PCDHAC1: variants seen among roughly 807,000 people sequenced by gnomAD.
PCDHAC1 encodes the protein protocadherin alpha subfamily C, 1.
PCDHAC1 carries 42 observed loss-of-function variants against 60.0 expected under a neutral mutation model. That is an observed-to-expected ratio of 0.70 (90% CI 0.55 to 0.90). PCDHAC1 has a LOEUF of 0.90. PCDHAC1 is among the 40% of genes least tolerant of loss of function. The probability of loss-of-function intolerance (pLI) is 0.00; values close to 1 mark genes in which losing one functional copy is unlikely to be tolerated. For missense variants in PCDHAC1, 1,160 were observed against 1,222.3 expected, an observed-to-expected ratio of 0.95 and a Z score of 0.76; for synonymous variants, 468 against 499.3, an observed-to-expected ratio of 0.94 and a Z score of 0.84.
intron 1 of PCDHAC1, among the ~76,000 whole-genome samples, chr5:140,977,613 G>T (rs1554238687): frequency 2.0e-5 from 3 of 152,150 alleles, no homozygotes; most frequent in African/African-American, 7.2e-5. Flanking sequence ...TTGAGGTAAA[G>T]TATCCCAGAG....
At chr5:140,943,380 T>A (rs2093488086) in intron 1 of PCDHAC1, among the ~76,000 whole-genome samples, 3 of 151,328 alleles carry the variant, frequency 2.0e-5, no homozygotes, top group Admixed American at 2.0e-4. Context: ...AATATACAGG[T>A]AAGAAATTAT....
chr5:140,946,353 A>C (rs2093933429), intron 1 of PCDHAC1, among the ~76,000 whole-genome samples: 1 of 151,910 alleles, frequency 6.6e-6, no homozygotes, highest in Admixed American at 6.6e-5. Context: ...GAGGATGTGG[A>C]GAAAAGGGAA....
Position 140,928,876 on chromosome 5 carries a change from C to T in PCDHAC1, c.1984C>T (p.Gln662Ter), listed in dbSNP as rs1554206456. 6.2e-7 allele frequency: 1 copy of T among 1,614,194 alleles called. No homozygotes were observed. Among genetic ancestry groups the T allele is most frequent in the Non-Finnish European group, 8.5e-7 (1 of 1,180,046 alleles). The change falls in exon 1 of 4, where the codon CAG becomes TAG. Residue 662 changes from glutamine (Q) to a stop codon, truncating the protein, a stop_gained. Transcript: ENST00000253807. LOFTEE classifies it high-confidence loss of function. Reference sequence around the variant, plus strand: ...TGTGCTGTTGAGCAACTCTGTCCCTCAGTTACTTCCAGACTTTGAAGATGT... The same window carrying T: ...TGTGCTGTTGAGCAACTCTGTCCCTTAGTTACTTCCAGACTTTGAAGATGT... ...LGVLLSNSVP[Q>*]LLPDFEDVWE...
chr5:140,933,545 A>G (rs1424166462), intron 1 of PCDHAC1, among the ~76,000 whole-genome samples: 1 of 152,114 alleles, frequency 6.6e-6, no homozygotes, highest in Non-Finnish European at 1.5e-5. Flanking sequence ...TAATGTTAAT[A>G]TAAAATAAAA....
chr5:140,968,506 G>T (rs781902536), intron 1 of PCDHAC1: 2 of 1,614,176 alleles, frequency 1.2e-6, no homozygotes, highest in South Asian at 2.2e-5. Context: ...CTCACATTCT[G>T]TACCCTACCT....
At chr5:140,975,634 A>G (rs1457671890) in intron 1 of PCDHAC1, among the ~76,000 whole-genome samples, 4 of 152,244 alleles carry the variant, frequency 2.6e-5, no homozygotes, top group African/African-American at 9.6e-5. Context: ...TGGTACGAAG[A>G]TAGCATATTA....
At chr5:140,960,836 AG>A (rs551951864) in intron 1 of PCDHAC1, among the ~76,000 whole-genome samples, 345 of 152,342 alleles carry the variant, frequency 2.3e-3, no homozygotes, top group African/African-American at 7.6e-3. Flanking sequence ...AACTTGGAAC[AG>A]GTTTAATGGC....
At chr5:140,982,665 A>T in intron 3 of PCDHAC1, 102 bp downstream of exon 3, 1 of 1,465,322 alleles carries the variant, frequency 6.8e-7, no homozygotes, top group Non-Finnish European at 9.0e-7. Context: ...TTTCTTTTAT[A>T]TTTTTGTTAT....
chr5:140,997,131 C>T (rs577407385), intron 3 of PCDHAC1, among the ~76,000 whole-genome samples: 26 of 152,126 alleles, frequency 1.7e-4, no homozygotes, highest in African/African-American at 6.0e-4. Flanking sequence ...ACACAATGCC[C>T]CCACACCCCC....
intron 1 of PCDHAC1, among the ~76,000 whole-genome samples, chr5:140,952,530 A>T (rs246033): frequency 6.6e-6 from 1 of 151,882 alleles, no homozygotes; most frequent in Non-Finnish European, 1.5e-5. Context: ...ACCTCCTCAG[A>T]CTGGACTTCT....
In PCDHAC1 at chr5:140,937,572, G is replaced by C. The variant is rs113857647; in HGVS notation, c.2433+8247G>C. On this transcript the variant is annotated intron_variant, in intron 1 of 3. Transcript: ENST00000253807. ...GCAGAGGTTGCAGTGAGCTGGGATC[G>C]CGTCACTGCACTCTAGCCTGGGCAA... Among the ~76,000 whole-genome samples, 273 of 151,500 alleles carry C rather than the reference G, an allele frequency of 1.8e-3. 1 individual carries two copies. Among genetic ancestry groups the C allele is most frequent in the African/African-American group, 6.4e-3 (263 of 41,048 alleles).
chr5:140,935,389 C>T (rs559765340), intron 1 of PCDHAC1, among the ~76,000 whole-genome samples: 20 of 152,288 alleles, frequency 1.3e-4, no homozygotes, highest in African/African-American at 4.8e-4. Flanking sequence ...CATTTGTTAT[C>T]CCACGGGACT....
intron 1 of PCDHAC1, chr5:140,966,517 A>T (rs1285058359): frequency 4.6e-6 from 2 of 435,352 alleles, no homozygotes; most frequent in Non-Finnish European, 8.0e-6. Context: ...CAGCAGCAGG[A>T]AGCCGAGCCG....
chr5:140,970,270 T>C (rs2096394574), intron 1 of PCDHAC1, among the ~76,000 whole-genome samples: 1 of 152,234 alleles, frequency 6.6e-6, no homozygotes, highest in Non-Finnish European at 1.5e-5. Context: ...TTTGATGAGA[T>C]GTAAAGTAGC....
At chr5:140,966,185 GA>G (rs1378285647) in intron 1 of PCDHAC1, 4 of 197,798 alleles carry the variant, frequency 2.0e-5, no homozygotes, top group Non-Finnish European at 4.0e-5. Context: ...CTGATAGCCA[GA>G]CTTCTAGGGG....
chr5:140,965,700 C>CT (rs1554227802), intron 1 of PCDHAC1, among the ~76,000 whole-genome samples: 1 of 152,162 alleles, frequency 6.6e-6, no homozygotes, highest in East Asian at 1.9e-4. Flanking sequence ...TTAGAAAAAG[C>CT]TTGAGAGAAG....
intron 3 of PCDHAC1, among the ~76,000 whole-genome samples, chr5:141,000,381 CTCTCTCTCTCTCTCTATA>C (rs1371464108): frequency 4.9e-5 from 3 of 61,382 alleles, no homozygotes; most frequent in South Asian, 5.3e-4. Flanking sequence ...CTCTCTCTCT[CTCTCTCTCTCTCTCTATA>C]TATATATATA....
chr5:140,949,630 T>C (rs549897729), intron 1 of PCDHAC1, among the ~76,000 whole-genome samples: 2 of 152,016 alleles, frequency 1.3e-5, no homozygotes, highest in South Asian at 4.1e-4. Flanking sequence ...TTTCATGGCA[T>C]ATTGCTTTTT....
intron 3 of PCDHAC1, among the ~76,000 whole-genome samples, chr5:141,005,605 G>A (rs1366861614): frequency 7.3e-5 from 11 of 150,146 alleles, no homozygotes; most frequent in African/African-American, 2.7e-4. Context: ...AGGAGGCTGA[G>A]GCAGGAGAAT....
Sources: allele counts gnomAD v4.1 joint callset (sites outside exome capture counted in the v4.1 genomes callset), GRCh38; gene constraint gnomAD v4.1.1; transcripts MANE v1.5; gene names NCBI Gene and HGNC (gene_info 2026-07-23, HGNC 2026-07-21).